Variants in STX1A observed in about 807,000 individuals in gnomAD.
The protein encoded by STX1A is syntaxin-1A.
A neutral mutation model predicts 37.8 loss-of-function variants in STX1A; 4 were observed. The observed-to-expected ratio is 0.11, with a 90% CI of 0.05 to 0.24. The LOEUF is 0.24. Among genes scored for constraint, STX1A ranks in the 10% least tolerant of loss-of-function variants. The pLI, the probability that STX1A is intolerant of heterozygous loss-of-function variation, is 1.00. For synonymous variants in STX1A, 135 were observed against 147.4 expected, an observed-to-expected ratio of 0.92 and a Z score of 0.61; for missense variants, 251 against 399.9, an observed-to-expected ratio of 0.63 and a Z score of 3.18.
chr7:73,704,847 C>G (rs1209987701), intron 4 of STX1A: 7 of 533,700 alleles, frequency 1.3e-5, no homozygotes, highest in Admixed American at 3.2e-5. Flanking sequence ...CGGGCTTCTG[C>G]AAGAGACCAG....
intron 3 of STX1A, among the ~76,000 whole-genome samples, chr7:73,707,381 AC>A (rs1798911563): frequency 6.6e-6 from 1 of 152,190 alleles, no homozygotes; most frequent in Non-Finnish European, 1.5e-5. Context: ...CCGGGGTGCC[AC>A]ATGGCCAGGT....
At position 73,702,701 on chromosome 7, in the gene STX1A, G is replaced by A. The variant is rs544662472; in HGVS notation, c.678+144C>T. 4.5e-5 allele frequency: 69 copies of A among 1,518,286 alleles called. 1 individual carries two copies. The highest frequency in any genetic ancestry group is 2.1e-4 in the South Asian group (16 of 77,534). 94.1% of individuals were successfully genotyped at this position (1,518,286 alleles called of 1,614,324 possible). ...ACCTTCGGGTCGGCAGGGCCCTGGCGGCAGTTTCAACAGCGGGTGATTGGT... is the reference window on the plus strand; with the variant it reads ...ACCTTCGGGTCGGCAGGGCCCTGGCAGCAGTTTCAACAGCGGGTGATTGGT... On this transcript the variant is annotated intron_variant, in intron 8 of 9. Coordinates refer to ENST00000222812, the MANE Select transcript of STX1A (RefSeq NM_004603.4). The surrounding 1 kb of genome is among the most constrained non-coding windows in gnomAD (Gnocchi z 4.7).
At position 73,700,267 on chromosome 7, in the gene STX1A, C is replaced by T; in HGVS notation, c.*140G>A. The stretch of plus-strand genomic sequence containing the variant: ...CGGGGCGGGGACGGAGGGCCCATGG[C>T]AGAGAAGGGAGCATGGGGGCCGGGA... On this transcript the variant is annotated 3_prime_UTR_variant, in exon 10 of 10. Transcript: ENST00000222812. This position sits in a 1 kb window ranked among gnomAD's most constrained non-coding sequence, Gnocchi z 4.4. The T allele has an allele frequency of 4.0e-6, 3 of 751,352 alleles. No individual in the cohort carries two copies. Among genetic ancestry groups the T allele is most frequent in the South Asian group, 3.3e-5 (2 of 60,102 alleles). The allele number at this position is 751,352 out of a possible 1,614,324, so 46.5% of individuals were successfully genotyped here. A position where few individuals can be genotyped will look rare whatever the true frequency, so the allele number is the denominator to read the frequency against.
Position 73,709,395 on chromosome 7 carries a change from T to C in STX1A, c.31-273A>G, listed in dbSNP as rs1245063375. 1.3e-5 allele frequency among the ~76,000 whole-genome samples: 2 copies of C among 152,066 alleles called. No homozygotes were observed. The highest frequency in any genetic ancestry group is 2.4e-5 in the African/African-American group (1 of 41,392). ...GGCCAGGGACTTCCTCCCTCACCTA[T>C]CTGCCTGCCCCCTCCCTGTGGCTGG... On this transcript the variant is annotated intron_variant, in intron 1 of 9. Coordinates refer to ENST00000222812, the MANE Select transcript of STX1A (RefSeq NM_004603.4). The surrounding 1 kb of genome is among the most constrained non-coding windows in gnomAD (Gnocchi z 4.2).
chr7:73,705,122 CACCCA>C lies in STX1A; in HGVS notation c.283+23_283+27del. Reference sequence around the variant, plus strand: ...GAGGAAGCAGGCCTAGAATGCCCCCCACCCACCCCCAGACAAGCCTGACTCACTCT... The same window carrying C: ...GAGGAAGCAGGCCTAGAATGCCCCCCCCCCCAGACAAGCCTGACTCACTCT... On this transcript the variant is annotated intron_variant, in intron 4 of 9. Coordinates refer to ENST00000222812, the MANE Select transcript of STX1A (RefSeq NM_004603.4). The surrounding 1 kb of genome is among the most constrained non-coding windows in gnomAD (Gnocchi z 5.2). The C allele has an allele frequency of 6.2e-7, 1 of 1,610,142 alleles. No individual in the cohort carries two copies. Among genetic ancestry groups the C allele is most frequent in the Non-Finnish European group, 8.5e-7 (1 of 1,176,360 alleles).
intron 6 of STX1A, 30 bp downstream of exon 6, chr7:73,704,118 G>GGCCCCCC: frequency 1.9e-6 from 3 of 1,548,412 alleles, no homozygotes; most frequent in Non-Finnish European, 2.6e-6. Context: ...CAGGCTCCAG[G>GGCCCCCC]CCCCGCCCCA....
At chr7:73,703,230 G>C (rs1554616203) in intron 7 of STX1A, 2 of 582,356 alleles carry the variant, frequency 3.4e-6, no homozygotes, top group African/African-American at 3.7e-5. Flanking sequence ...GCTGGCCACA[G>C]AGCGAGTGCT....
At chr7:73,715,945 G>A (rs539867760) in intron 1 of STX1A, among the ~76,000 whole-genome samples, 1 of 152,274 alleles carries the variant, frequency 6.6e-6, no homozygotes, top group Non-Finnish European at 1.5e-5. Flanking sequence ...CCAGGTCCCC[G>A]CCCTGCAGAG....
chr7:73,714,556 A>T lies in STX1A; in HGVS notation c.30+5046T>A, dbSNP rs150570809. On this transcript the variant is annotated intron_variant, in intron 1 of 9. Coordinates refer to ENST00000222812, the MANE Select transcript of STX1A (RefSeq NM_004603.4). ...GCTGGGACTACAGGTGCCTGCCACC[A>T]CACCTGGCTAATTTTAAATTTGTGT... 2.9e-3 allele frequency among the ~76,000 whole-genome samples: 435 copies of T among 152,116 alleles called. 3 individuals are homozygous for T. The highest frequency in any genetic ancestry group is 0.02 in the Middle Eastern group (6 of 294).
In STX1A at chr7:73,705,599, C is replaced by T. The variant is rs116611275; in HGVS notation, c.209-375G>A. ...TGCTGGAGTTGAAGGGGTGGGGGGG[C>T]GGTGTGGGCTCACCTGGTGTTACCT... On this transcript the variant is annotated intron_variant, in intron 3 of 9. Coordinates refer to ENST00000222812, the MANE Select transcript of STX1A (RefSeq NM_004603.4). This position sits in a 1 kb window ranked among gnomAD's most constrained non-coding sequence, Gnocchi z 5.2. The T allele has an allele frequency of 9.7e-3, 2,560 of 264,234 alleles. 65 individuals carry two copies. The highest frequency in any genetic ancestry group is 0.052 in the African/African-American group (2,302 of 44,644). 16.4% of individuals were successfully genotyped at this position (264,234 alleles called of 1,614,324 possible).
intron 1 of STX1A, chr7:73,716,542 C>G (rs1371445783): frequency 6.6e-6 from 1 of 152,588 alleles, no homozygotes; most frequent in African/African-American, 2.4e-5. Context: ...GCATTCCAAT[C>G]TCTCTGCCTT....
At chr7:73,710,535 C>T (rs1227683454) in intron 1 of STX1A, among the ~76,000 whole-genome samples, 2 of 152,132 alleles carry the variant, frequency 1.3e-5, no homozygotes, top group Non-Finnish European at 2.9e-5. Flanking sequence ...AAGCAATTCT[C>T]CTGCCTCAGC....
Position 73,700,678 on chromosome 7 carries a change from G to T in STX1A, c.789+52C>A. On this transcript the variant is annotated intron_variant, in intron 9 of 9. Coordinates refer to ENST00000222812, the MANE Select transcript of STX1A (RefSeq NM_004603.4). This position sits in a 1 kb window ranked among gnomAD's most constrained non-coding sequence, Gnocchi z 4.4. ...ATGGGGAGGGATGTGGGATGGTTGG[G>T]GGTCCCTAATGGGTGCTGGGGCATG... 6.2e-7 allele frequency: 1 copy of T among 1,606,268 alleles called. No individual in the cohort carries two copies. Among genetic ancestry groups the T allele is most frequent in the Admixed American group, 1.7e-5 (1 of 59,694 alleles).
chr7:73,700,429 G>A lies in STX1A; in HGVS notation c.845C>T (p.Thr282Ile). 1 of 1,614,132 alleles carries A rather than the reference G, an allele frequency of 6.2e-7. No individual in the cohort carries two copies. Among genetic ancestry groups the A allele is most frequent in the South Asian group, 1.1e-5 (1 of 91,088 alleles). The change falls in exon 10 of 10, where the codon ACT becomes ATT. Residue 282 changes from threonine (T) to isoleucine (I), a missense_variant. Coordinates refer to ENST00000222812, the MANE Select transcript of STX1A (RefSeq NM_004603.4). The surrounding 1 kb of genome is among the most constrained non-coding windows in gnomAD (Gnocchi z 4.4). ...CTTCTAGGCGAAGATGCCCCCAACA[G>A]TGGAGGCGATGACGATGCCCAGGAT... ...CVILGIVIAS[T>I]VGGIFA is the part of the protein sequence containing the mutation.
rs782057252 is a variant in STX1A, at chr7:73,702,859, G to T, written c.664C>A (p.Leu222Ile). Residue 222 changes from leucine to isoleucine, a missense_variant, in exon 8 of 10, where the codon CTC becomes ATC. By Grantham distance (5) the Leu-to-Ile change is conservative (BLOSUM62 2). Coordinates refer to ENST00000222812, the MANE Select transcript of STX1A (RefSeq NM_004603.4). The surrounding 1 kb of genome is among the most constrained non-coding windows in gnomAD (Gnocchi z 4.7). Reference sequence around the variant, plus strand: ...CCGGCACTCACCTGGCTCTCCACGAGCATGGCCATGTCCATGAACATGTCG... The same window carrying T: ...CCGGCACTCACCTGGCTCTCCACGATCATGGCCATGTCCATGAACATGTCG... The part of the protein sequence containing the change: ...LHDMFMDMAM[L>I]VESQGEMIDR... The T allele has an allele frequency of 2.5e-6, 4 of 1,613,918 alleles. No homozygotes were observed. The South Asian group carries it at 4.4e-5, about 18-fold the overall frequency.
Position 73,705,808 on chromosome 7 carries a change from C to A in STX1A, c.209-584G>T, listed in dbSNP as rs1169219330. ...AAGGGGTGGATGGCCTGGGTGGGCG[C>A]TGATGTGGGCCCTCAGGTCCAAAGA... On this transcript the variant is annotated intron_variant, in intron 3 of 9. Transcript: ENST00000222812. This position sits in a 1 kb window ranked among gnomAD's most constrained non-coding sequence, Gnocchi z 5.2. 1 of 154,722 alleles carries A rather than the reference C, an allele frequency of 6.5e-6. No individual in the cohort carries two copies. Among genetic ancestry groups the A allele is most frequent in the Non-Finnish European group, 1.4e-5 (1 of 69,852 alleles). 9.6% of individuals were successfully genotyped at this position (154,722 alleles called of 1,614,324 possible).
Position 73,700,703 on chromosome 7 carries a change from G to A in STX1A, c.789+27C>T, listed in dbSNP as rs1798619893. The A allele has an allele frequency of 2.5e-6, 4 of 1,612,966 alleles. No homozygotes were observed. Among genetic ancestry groups the A allele is most frequent in the Non-Finnish European group, 3.4e-6 (4 of 1,179,852 alleles). ...GGGTCCCTAATGGGTGCTGGGGCATGGCCTTGGGCAGGGCTGGGCTACTGA... is the reference window on the plus strand; with the variant it reads ...GGGTCCCTAATGGGTGCTGGGGCATAGCCTTGGGCAGGGCTGGGCTACTGA... On this transcript the variant is annotated intron_variant, in intron 9 of 9. Transcript: ENST00000222812. This position sits in a 1 kb window ranked among gnomAD's most constrained non-coding sequence, Gnocchi z 4.4.
At chr7:73,704,280 A>G in intron 5 of STX1A, 24 bp from the exon 6 acceptor site, 2 of 1,613,896 alleles carry the variant, frequency 1.2e-6, no homozygotes, top group South Asian at 2.2e-5. Context: ...ATGGAGGTGC[A>G]GGGGTCAGGC....
chr7:73,710,296 G>A (rs1253934129), intron 1 of STX1A, among the ~76,000 whole-genome samples: 1 of 152,270 alleles, frequency 6.6e-6, no homozygotes, highest in African/African-American at 2.4e-5. Flanking sequence ...AGTTGGCCAG[G>A]GTCAGCCCAC....
Sources: gnomAD v4.1 joint callset for allele counts (sites outside exome capture counted in the v4.1 genomes callset) on GRCh38, gnomAD v4.1.1 for gene constraint, Gnocchi (gnomAD v3.1) non-coding constraint, MANE v1.5 for transcripts, NCBI Gene and HGNC (gene_info 2026-07-23, HGNC 2026-07-21) for gene names.